Variants in CIRSR observed in about 807,000 individuals in gnomAD.
CIRSR encodes the protein CBF1 (RBPJ) interacting corepressor 1.
chr2:174,354,770 A>ATAT, the CIRSR span, among the ~76,000 whole-genome samples: 92 of 104,400 alleles, frequency 8.8e-4, no homozygotes, highest in African/African-American at 3.3e-3. Flanking sequence ...ATATATATAT[A>ATAT]TTTTTTTTTT....
At chr2:174,390,307 T>G in the CIRSR span, among the ~76,000 whole-genome samples, 1 of 152,252 alleles carries the variant, frequency 6.6e-6, no homozygotes, top group Non-Finnish European at 1.5e-5. Flanking sequence ...AAGGAGATCC[T>G]TTTGGCACTT....
the CIRSR span, among the ~76,000 whole-genome samples, chr2:174,384,564 G>A: frequency 6.6e-6 from 1 of 152,006 alleles, no homozygotes. Flanking sequence ...TCATTTATAT[G>A]TGTATTTTTT....
At chr2:174,380,050 C>G in the CIRSR span, 1 of 528,434 alleles carries the variant, frequency 1.9e-6, no homozygotes, top group African/African-American at 2.0e-5. Flanking sequence ...CAGCCTACTA[C>G]ATTTTATGTT....
chr2:174,348,355 G>T, the CIRSR span: 1 of 1,328,680 alleles, frequency 7.5e-7, no homozygotes, highest in Middle Eastern at 2.7e-4. Context: ...ACAGTCTAGA[G>T]ATGAAAAATT....
the CIRSR span, chr2:174,380,787 A>G: frequency 6.2e-7 from 1 of 1,601,350 alleles, no homozygotes; most frequent in South Asian, 1.1e-5. Context: ...ATTCAGACAT[A>G]GAAAATAGTA....
At chr2:174,395,625 T>A in the CIRSR span, 3 of 1,614,194 alleles carry the variant, frequency 1.9e-6, no homozygotes, top group Non-Finnish European at 2.5e-6. Flanking sequence ...TTCCCCATCT[T>A]GGAACTGGAA....
At chr2:174,378,261 G>A in the CIRSR span, among the ~76,000 whole-genome samples, 2 of 152,182 alleles carry the variant, frequency 1.3e-5, no homozygotes, top group East Asian at 1.9e-4. Context: ...TCATAAAAGT[G>A]AAAGGACTTG....
At chr2:174,356,831 T>A in the CIRSR span, among the ~76,000 whole-genome samples, 1 of 152,210 alleles carries the variant, frequency 6.6e-6, no homozygotes, top group African/African-American at 2.4e-5. Flanking sequence ...TTTAACTTTA[T>A]ACTACGGAAA....
the CIRSR span, among the ~76,000 whole-genome samples, chr2:174,377,983 G>A: frequency 1.3e-5 from 2 of 152,190 alleles, no homozygotes; most frequent in East Asian, 1.9e-4. Flanking sequence ...TGTTGATTGA[G>A]GGTAAACCCT....
chr2:174,392,401 T>C, the CIRSR span, among the ~76,000 whole-genome samples: 777 of 152,314 alleles, frequency 5.1e-3, 8 homozygotes, highest in South Asian at 0.072. Flanking sequence ...ACATTTTACA[T>C]GGGTGTTTGT....
the CIRSR span, chr2:174,348,219 T>C: frequency 3.1e-6 from 1 of 326,564 alleles, no homozygotes; most frequent in Non-Finnish European, 5.5e-6. Context: ...TATGCGGTTT[T>C]TATCTGGTAT....
At chr2:174,350,773 G>A in the CIRSR span, 1 of 1,512,820 alleles carries the variant, frequency 6.6e-7, no homozygotes, top group Non-Finnish European at 9.0e-7. Flanking sequence ...TCATTAAATT[G>A]CTAGATTTCA....
At chr2:174,390,609 G>C in the CIRSR span, among the ~76,000 whole-genome samples, 3 of 152,188 alleles carry the variant, frequency 2.0e-5, no homozygotes, top group Non-Finnish European at 4.4e-5. Context: ...ATGAGATCTG[G>C]AAGGGGCTGG....
the CIRSR span, among the ~76,000 whole-genome samples, chr2:174,375,564 C>T: frequency 0.5 from 76,311 of 151,976 alleles, 21,109 homozygotes; most frequent in East Asian, 0.8. Context: ...AGTTGAGACC[C>T]GTGTCACTGC....
chr2:174,349,859 A>G, the CIRSR span, among the ~76,000 whole-genome samples: 2,264 of 152,220 alleles, frequency 0.015, 58 homozygotes, highest in African/African-American at 0.051. Context: ...AGCTATAATC[A>G]GATGAAAAAT....
chr2:174,373,207 A>C, the CIRSR span, among the ~76,000 whole-genome samples: 1 of 152,198 alleles, frequency 6.6e-6, no homozygotes, highest in African/African-American at 2.4e-5. Flanking sequence ...AAGAAATTAA[A>C]ATATCCAATG....
At chr2:174,380,887 T>G in the CIRSR span, 2 of 1,205,082 alleles carry the variant, frequency 1.7e-6, no homozygotes, top group Non-Finnish European at 1.2e-6. Context: ...AAATCTACTG[T>G]ATACACTATG....
the CIRSR span, among the ~76,000 whole-genome samples, chr2:174,354,747 GTA>G: frequency 1.1e-5 from 1 of 94,522 alleles, no homozygotes; most frequent in Non-Finnish European, 2.0e-5. Flanking sequence ...TTTTACATAT[GTA>G]TATATATTAT....
At chr2:174,363,238 C>T in the CIRSR span, among the ~76,000 whole-genome samples, 1 of 152,190 alleles carries the variant, frequency 6.6e-6, no homozygotes, top group Non-Finnish European at 1.5e-5. Context: ...TCCCCTATAT[C>T]TTACTACCAC....
Sources: allele counts gnomAD v4.1 joint callset (sites outside exome capture counted in the v4.1 genomes callset), GRCh38; gene constraint gnomAD v4.1.1; transcripts MANE v1.5; gene names NCBI Gene and HGNC (gene_info 2026-07-23, HGNC 2026-07-21).